TVP23B: variants seen among roughly 807,000 people sequenced by gnomAD.
TVP23B encodes trans-golgi network vesicle protein 23 homolog B.
In TVP23B, 10 loss-of-function variants were observed where a neutral mutation model predicts 30.6. The ratio of observed to expected loss-of-function variants is 0.33; its 90% CI spans 0.20 to 0.55. The LOEUF is 0.55. Ranked by LOEUF, TVP23B falls within the 20% of genes least tolerant of loss-of-function variation. The probability of loss-of-function intolerance (pLI) is 0.91; values close to 1 mark genes in which losing one functional copy is unlikely to be tolerated. For synonymous variants in TVP23B, 67 were observed against 83.1 expected (o/e 0.81, Z 1.06); for missense variants, 153 against 243.2 (o/e 0.63, Z 2.47).
At chr17:18,790,864 T>C (rs1328348409) in intron 2 of TVP23B, 32 bp from the exon 3 acceptor site, 2 of 1,591,060 alleles carry the variant, frequency 1.3e-6, no homozygotes, top group East Asian at 4.5e-5. Context: ...TAAAATGTAA[T>C]TGCATTTCTT....
At chr17:18,788,069 T>A (rs2035934742) in intron 1 of TVP23B, among the ~76,000 whole-genome samples, 1 of 125,328 alleles carries the variant, frequency 8.0e-6, no homozygotes, top group African/African-American at 3.1e-5. Context: ...CCGGGCATGG[T>A]GGCTCACGCC....
rs911487543 is a variant in TVP23B, at chr17:18,789,370, T to C, written c.30T>C (p.Thr10=). 1.9e-6 allele frequency: 3 copies of C among 1,613,870 alleles called. No individual in the cohort carries two copies. The African/African-American group carries it at 4.0e-5, about 22-fold the overall frequency. Residue 10 remains threonine, a synonymous_variant, in exon 2 of 7, where the codon ACT becomes ACC. Transcript: ENST00000307767. MLQQDSNDD[T]EDVSLFDAEE... ...CCTACCAGGATAGTAATGATGACAC[T>C]GAAGATGTTTCACTGTTTGATGCGG...
chr17:18,804,376 T>C, intron 6 of TVP23B, 110 bp downstream of exon 6: 1 of 1,374,778 alleles, frequency 7.3e-7, no homozygotes, highest in East Asian at 2.5e-5. Flanking sequence ...TATAGTTGTA[T>C]AAATATAATG....
At chr17:18,801,287 TA>T (rs1465755323) in intron 5 of TVP23B, among the ~76,000 whole-genome samples, 1 of 152,152 alleles carries the variant, frequency 6.6e-6, no homozygotes, top group Non-Finnish European at 1.5e-5. Context: ...ATTCTTCACC[TA>T]TCTTCTGTAT....
At chr17:18,797,474 A>G (rs2036093077) in intron 3 of TVP23B, 105 bp from the exon 4 acceptor site, 1 of 1,560,294 alleles carries the variant, frequency 6.4e-7, no homozygotes, top group Non-Finnish European at 8.7e-7. Flanking sequence ...TATGGAGGTA[A>G]AGCTGAAGGT....
chr17:18,781,470 G>A (rs2035806391), intron 1 of TVP23B, 165 bp downstream of exon 1: 2 of 1,294,156 alleles, frequency 1.5e-6, no homozygotes, highest in Non-Finnish European at 2.1e-6. Flanking sequence ...AGGGCTGCTG[G>A]GGGTTCTGAG....
In TVP23B at chr17:18,791,018, C is replaced by T. The variant is rs542278269; in HGVS notation, c.218C>T (p.Ser73Leu). 4.8e-5 allele frequency: 76 copies of T among 1,592,800 alleles called. 2 individuals are homozygous for T. The highest frequency in any genetic ancestry group is 6.8e-5 in the African/African-American group (5 of 73,436). ...TCMVTIILLL[S>L]CDFWAVKNVT... ...ATGGTGACAATTATCTTGTTGTTGT[C>T]GTGTGACTTTTGGGCAGTGAAGGTA... The change falls in exon 3 of 7, where the codon TCG becomes TTG. Residue 73 changes from serine (S) to leucine (L), a missense_variant. Transcript: ENST00000307767.
chr17:18,788,816 T>C (rs1192279470), intron 1 of TVP23B, among the ~76,000 whole-genome samples: 1 of 151,928 alleles, frequency 6.6e-6, no homozygotes, highest in Non-Finnish European at 1.5e-5. Context: ...ATAGATAGAC[T>C]TGAAGATAGA....
intron 5 of TVP23B, among the ~76,000 whole-genome samples, chr17:18,801,655 C>G (rs1384280180): frequency 6.6e-6 from 1 of 151,820 alleles, no homozygotes; most frequent in Non-Finnish European, 1.5e-5. Context: ...TTCTTCCCTT[C>G]TGCTTTGGAT....
At position 18,801,959 on chromosome 17, in the gene TVP23B, T is replaced by C. The variant is rs185955894; in HGVS notation, c.463-2179T>C. On this transcript the variant is annotated intron_variant, in intron 5 of 6. Coordinates refer to ENST00000307767, the MANE Select transcript of TVP23B (RefSeq NM_016078.6). ...GTTAAGACCTCGGCATGGTGGCTCATGCCTGTAATCCCAGCACTTTGGGAG... is the reference window on the plus strand; with the variant it reads ...GTTAAGACCTCGGCATGGTGGCTCACGCCTGTAATCCCAGCACTTTGGGAG... Among the ~76,000 whole-genome samples the C allele has an allele frequency of 1.5e-3, 222 of 151,856 alleles. 2 individuals are homozygous for C. The highest frequency in any genetic ancestry group is 3.4e-3 in the Middle Eastern group (1 of 294).
At chr17:18,799,562 A>T (rs2036126425) in intron 5 of TVP23B, among the ~76,000 whole-genome samples, 2 of 152,142 alleles carry the variant, frequency 1.3e-5, no homozygotes, top group Admixed American at 1.3e-4. Flanking sequence ...CTGCCCACTC[A>T]CATTCAAGGA....
In TVP23B at chr17:18,797,647, T is replaced by C. The variant is rs1455974345; in HGVS notation, c.309T>C (p.His103=). ...ACATTGATGAAGATGGAAAGAGCCA[T>C]TGGGTGTTTGAATCTAGAAAGGTAA... The part of the protein sequence containing the change: ...WNHIDEDGKS[H]WVFESRKESS... Residue 103 remains histidine (H), a synonymous_variant, in exon 4 of 7, where the codon CAT becomes CAC. Transcript: ENST00000307767. The C allele has an allele frequency of 1.0e-5, 16 of 1,602,038 alleles. No homozygotes were observed. Among genetic ancestry groups the C allele is most frequent in the African/African-American group, 1.4e-5 (1 of 74,034 alleles).
chr17:18,790,333 A>G (rs2035971171), intron 2 of TVP23B, among the ~76,000 whole-genome samples: 1 of 151,660 alleles, frequency 6.6e-6, no homozygotes, highest in African/African-American at 2.4e-5. Flanking sequence ...GCGTGGTGGC[A>G]GGCGCCTGTA....
At chr17:18,803,291 A>T (rs1156375896) in intron 5 of TVP23B, among the ~76,000 whole-genome samples, 1 of 152,118 alleles carries the variant, frequency 6.6e-6, no homozygotes, top group Non-Finnish European at 1.5e-5. Flanking sequence ...CCACTTATAT[A>T]TTGTCTATGG....
At chr17:18,803,296 C>G (rs1364363251) in intron 5 of TVP23B, among the ~76,000 whole-genome samples, 1 of 152,184 alleles carries the variant, frequency 6.6e-6, no homozygotes, top group Non-Finnish European at 1.5e-5. Flanking sequence ...TATATATTGT[C>G]TATGGCTGCC....
intron 1 of TVP23B, among the ~76,000 whole-genome samples, chr17:18,788,131 TCTC>T (rs972072193): frequency 3.3e-5 from 5 of 150,116 alleles, no homozygotes; most frequent in African/African-American, 4.9e-5. Context: ...GGTCATGAAA[TCTC>T]CTGGTTAACA....
rs1037152981 is a variant in TVP23B at position 18,798,916 on chromosome 17, A to C, written c.435A>C (p.Ala145=). The C allele has an allele frequency of 1.2e-5, 20 of 1,612,862 alleles. No homozygotes were observed. The highest frequency in any genetic ancestry group is 1.7e-5 in the Non-Finnish European group (20 of 1,179,652). Residue 145 remains alanine (A), a synonymous_variant, in exon 5 of 7, where the codon GCA becomes GCC. Coordinates refer to ENST00000307767, the MANE Select transcript of TVP23B (RefSeq NM_016078.6). ...TGTGGGTGATATTTGCTTTTAGTGC[A>C]CTCTTCTCCTTCAGAGTAAAGTGGT... is the stretch of plus-strand genomic sequence containing the variant. The part of the protein sequence containing the change: ...PVLWVIFAFS[A]LFSFRVKWLA...
chr17:18,789,479 T>A (rs756044154), intron 2 of TVP23B, 44 bp downstream of exon 2: 1 of 1,613,520 alleles, frequency 6.2e-7, no homozygotes, highest in Non-Finnish European at 8.5e-7. Context: ...TGTCCAGTGC[T>A]GTTCTGTATG....
chr17:18,789,191 G>A lies in TVP23B; in HGVS notation c.13-162G>A, dbSNP rs2035954426. On this transcript the variant is annotated intron_variant, in intron 1 of 6. Coordinates refer to ENST00000307767, the MANE Select transcript of TVP23B (RefSeq NM_016078.6). The stretch of plus-strand genomic sequence containing the variant: ...TTTTTGCCAGATGATTTGAGGAGGC[G>A]GGTGGAGGATCTGCATGTGTCCTTT... The A allele has an allele frequency of 1.8e-5, 20 of 1,088,758 alleles. No individual in the cohort carries two copies. In the South Asian group the frequency reaches 2.8e-4, roughly 15 times the overall value. 67.4% of individuals were successfully genotyped at this position (1,088,758 alleles called of 1,614,324 possible).
Sources: allele counts gnomAD v4.1 joint callset (sites outside exome capture counted in the v4.1 genomes callset), GRCh38; gene constraint gnomAD v4.1.1; transcripts MANE v1.5; gene names NCBI Gene and HGNC (gene_info 2026-07-23, HGNC 2026-07-21).